Variants in TERB2 observed in about 807,000 individuals in gnomAD.
The protein encoded by TERB2 is telomere repeat binding bouquet formation protein 2.
A neutral mutation model predicts 29.8 loss-of-function variants in TERB2; 26 were observed. That is an observed-to-expected ratio of 0.87 (90% confidence interval 0.64 to 1.21). TERB2 has a LOEUF of 1.21. Among genes scored for constraint, TERB2 ranks in the 50% most tolerant of loss-of-function variants. The probability of loss-of-function intolerance (pLI) is 0.00; values close to 1 mark genes in which losing one functional copy is unlikely to be tolerated. For missense variants in TERB2, 240 were observed against 268.6 expected, an observed-to-expected ratio of 0.89 and a Z score of 0.74; for synonymous variants, 80 against 90.8, an observed-to-expected ratio of 0.88 and a Z score of 0.68.
intron 5 of TERB2, among the ~76,000 whole-genome samples, chr15:44,968,052 CAG>C (rs1482243911): frequency 8.2e-6 from 1 of 121,502 alleles, no homozygotes; most frequent in Non-Finnish European, 1.6e-5. Context: ...AGTGTGAACA[CAG>C]ATAAAATATA....
chr15:44,976,545 C>A (rs1892050255), intron 6 of TERB2, among the ~76,000 whole-genome samples: 1 of 152,108 alleles, frequency 6.6e-6, no homozygotes, highest in South Asian at 2.1e-4. Context: ...TTTTTACATC[C>A]GACTCTCAGA....
In TERB2 at chr15:44,967,000, G is replaced by C. The variant is rs936248769; in HGVS notation, c.434+757G>C. Among the ~76,000 whole-genome samples the C allele has an allele frequency of 1.1e-4, 16 of 152,334 alleles. 1 individual carries two copies. Among genetic ancestry groups the C allele is most frequent in the Admixed American group, 4.6e-4 (7 of 15,304 alleles). ...CTATAGTCCCAGCTATTTGGAGGCT[G>C]AGGTGGGAGGATCGCTTGAGCCCAG... On this transcript the variant is annotated intron_variant, in intron 5 of 6. Coordinates refer to ENST00000340827, the MANE Select transcript of TERB2 (RefSeq NM_152448.3).
chr15:44,966,074 T>C, intron 4 of TERB2, 84 bp from the exon 5 acceptor site: 1 of 671,560 alleles, frequency 1.5e-6, no homozygotes, highest in Non-Finnish European at 2.3e-6. Flanking sequence ...ATATTTCCAG[T>C]TTATTTTTCC....
chr15:44,966,072 A>G, intron 4 of TERB2, 86 bp from the exon 5 acceptor site: 2 of 634,464 alleles, frequency 3.2e-6, no homozygotes, highest in Non-Finnish European at 4.9e-6. Context: ...ATATATTTCC[A>G]GTTTATTTTT....
At chr15:44,976,430 G>C (rs1892048403) in intron 6 of TERB2, among the ~76,000 whole-genome samples, 1 of 152,016 alleles carries the variant, frequency 6.6e-6, no homozygotes, top group Non-Finnish European at 1.5e-5. Context: ...CACCAAATGG[G>C]CCTCTCCATA....
Position 44,958,503 on chromosome 15 carries a change from C to G in TERB2, c.277C>G (p.Leu93Val). 1.9e-6 allele frequency: 3 copies of G among 1,610,522 alleles called. No homozygotes were observed. The highest frequency in any genetic ancestry group is 2.5e-6 in the Non-Finnish European group (3 of 1,178,120). The change falls in exon 3 of 7, where the codon CTG (leucine) becomes GTG (valine). Residue 93 changes from leucine to valine, a missense_variant. Transcript: ENST00000340827. The part of the protein sequence containing the change: ...LGHFILPPAC[L>V]QKEIRRKIGS... ...TCATTTCATTCTTCCTCCTGCGTGC[C>G]TGCAAAAAGGTTAGCAAAGATCATT...
At chr15:44,965,486 TTA>T (rs974238756) in intron 4 of TERB2, among the ~76,000 whole-genome samples, 1 of 144,348 alleles carries the variant, frequency 6.9e-6, no homozygotes, top group African/African-American at 2.5e-5. Context: ...AGATATATAT[TTA>T]TATAGATATA....
intron 6 of TERB2, 103 bp downstream of exon 6, chr15:44,974,058 T>TAC: frequency 8.8e-7 from 1 of 1,131,996 alleles, no homozygotes; most frequent in Non-Finnish European, 1.1e-6. Context: ...GAGTAGAGCC[T>TAC]TCTCTAGTAA....
chr15:44,966,317 C>G, intron 5 of TERB2, 74 bp downstream of exon 5: 1 of 860,118 alleles, frequency 1.2e-6, no homozygotes, highest in Non-Finnish European at 1.6e-6. Context: ...GTGCTTATCT[C>G]ATTTAATTTT....
chr15:44,975,204 A>C (rs1352034497), intron 6 of TERB2, among the ~76,000 whole-genome samples: 3 of 152,204 alleles, frequency 2.0e-5, no homozygotes, highest in African/African-American at 7.2e-5. Flanking sequence ...CAATTGAATA[A>C]ATTTCCTTTT....
chr15:44,970,159 A>G (rs1891947771), intron 5 of TERB2: 1 of 157,378 alleles, frequency 6.4e-6, no homozygotes, highest in Admixed American at 6.5e-5. Context: ...GATTGGGAAT[A>G]CTCAAAATGA....
At chr15:44,966,442 G>A (rs890685980) in intron 5 of TERB2, among the ~76,000 whole-genome samples, 199 bp downstream of exon 5, 17 of 152,008 alleles carry the variant, frequency 1.1e-4, no homozygotes, top group Non-Finnish European at 1.9e-4. Flanking sequence ...TATTAAGTAC[G>A]GGAGAAGCAG....
At chr15:44,967,139 T>G (rs1357658782) in intron 5 of TERB2, among the ~76,000 whole-genome samples, 2 of 152,236 alleles carry the variant, frequency 1.3e-5, no homozygotes, top group Non-Finnish European at 2.9e-5. Context: ...CAAACAAACA[T>G]GGCCTTGCCA....
intron 3 of TERB2, among the ~76,000 whole-genome samples, chr15:44,960,767 G>A (rs1413495874): frequency 6.6e-6 from 1 of 152,036 alleles, no homozygotes; most frequent in Non-Finnish European, 1.5e-5. Flanking sequence ...GACAGCAAAA[G>A]TCTAGAGTAA....
intron 5 of TERB2, among the ~76,000 whole-genome samples, chr15:44,967,432 A>C (rs1891907874): frequency 6.6e-6 from 1 of 152,212 alleles, no homozygotes; most frequent in South Asian, 2.1e-4. Context: ...GCATTTATTG[A>C]GGGAACTTGC....
chr15:44,970,097 G>C (rs1340662791), intron 5 of TERB2: 1 of 153,276 alleles, frequency 6.5e-6, no homozygotes, highest in East Asian at 1.9e-4. Flanking sequence ...TTGGTTAGAA[G>C]GCAAAATTTT....
rs1595479289 is a variant in TERB2 at position 44,973,760 on chromosome 15, TTATGTATTATAAATATTTATTTA to T, written c.435-104_435-82del. 26 of 791,248 alleles carry T rather than the reference TTATGTATTATAAATATTTATTTA, an allele frequency of 3.3e-5. No homozygotes were observed. In the East Asian group the frequency reaches 2.0e-3, roughly 62 times the overall value. 49.0% of individuals were successfully genotyped at this position (791,248 alleles called of 1,614,324 possible). On this transcript the variant is annotated intron_variant, in intron 5 of 6. Transcript: ENST00000340827. ...GTATAGTATACTATAGTAAAGGTAA[TTATGTATTATAAATATTTATTTA>T]TAAATATACTTTAATATAAATGTAA...
chr15:44,966,692 T>C (rs2078113646), intron 5 of TERB2, among the ~76,000 whole-genome samples: 1 of 152,222 alleles, frequency 6.6e-6, no homozygotes, highest in Non-Finnish European at 1.5e-5. Context: ...TCTTAAAATA[T>C]ATTTTTTACT....
At chr15:44,964,544 A>C (rs1891855004) in intron 4 of TERB2, among the ~76,000 whole-genome samples, 6 of 152,134 alleles carry the variant, frequency 3.9e-5, no homozygotes, top group Non-Finnish European at 1.5e-5. Context: ...ACTAAGGTAA[A>C]GAAAATATAA....
Sources: allele counts gnomAD v4.1 joint callset (sites outside exome capture counted in the v4.1 genomes callset), GRCh38; gene constraint gnomAD v4.1.1; transcripts MANE v1.5; gene names NCBI Gene and HGNC (gene_info 2026-07-23, HGNC 2026-07-21).